The following ARHGAP24 variants were observed in gnomAD, a reference collection of about 807,000 sequenced individuals.
ARHGAP24 encodes the protein Rho GTPase activating protein 24.
In ARHGAP24, 50 loss-of-function variants were observed where a neutral mutation model predicts 76.4. The ratio of observed to expected loss-of-function variants is 0.65; its 90% confidence interval spans 0.52 to 0.83. The LOEUF (loss-of-function observed/expected upper bound fraction) is 0.83. ARHGAP24 is among the 40% of genes least tolerant of loss of function. The probability of loss-of-function intolerance (pLI) is 0.00; values close to 1 mark genes in which losing one functional copy is unlikely to be tolerated. For synonymous variants in ARHGAP24, 345 were observed against 323.3 expected, an observed-to-expected ratio of 1.07 and a Z score of -0.72; for missense variants, 930 against 914.2, an observed-to-expected ratio of 1.02 and a Z score of -0.22.
At chr4:85,994,018 T>C (rs1271650937) in intron 8 of ARHGAP24, among the ~76,000 whole-genome samples, 1 of 152,174 alleles carries the variant, frequency 6.6e-6, no homozygotes, top group Non-Finnish European at 1.5e-5. Context: ...AGTTTTTGAA[T>C]GGTGAACAAA....
intron 2 of ARHGAP24, among the ~76,000 whole-genome samples, chr4:85,703,042 T>C (rs962240316): frequency 6.7e-6 from 1 of 148,244 alleles, no homozygotes; most frequent in African/African-American, 2.5e-5. Context: ...AAGAGAAAAA[T>C]GAATATAAAA....
At chr4:85,538,577 A>G (rs1725562744) in intron 1 of ARHGAP24, among the ~76,000 whole-genome samples, 3 of 152,278 alleles carry the variant, frequency 2.0e-5, no homozygotes, top group Non-Finnish European at 4.4e-5. Flanking sequence ...CTCTACTGGT[A>G]TAATTGTGTC....
chr4:85,555,503 G>T (rs2110132013), intron 1 of ARHGAP24, among the ~76,000 whole-genome samples: 1 of 152,330 alleles, frequency 6.6e-6, no homozygotes, highest in African/African-American at 2.4e-5. Context: ...CTCTTGCTTA[G>T]TCACTTCACT....
At chr4:85,537,248 C>T (rs1418130979) in intron 1 of ARHGAP24, among the ~76,000 whole-genome samples, 2 of 152,066 alleles carry the variant, frequency 1.3e-5, no homozygotes, top group Admixed American at 6.5e-5. Flanking sequence ...GAGAGGTTTT[C>T]CATCTGGTTC....
chr4:85,728,438 ATTTATCTATTT>A (rs1434335709), intron 3 of ARHGAP24, among the ~76,000 whole-genome samples: 1 of 151,916 alleles, frequency 6.6e-6, no homozygotes, highest in Non-Finnish European at 1.5e-5. Context: ...GTTCCTATGC[ATTTATCTATTT>A]TATCTATGTA....
At position 85,923,734 on chromosome 4, in the gene ARHGAP24, T is replaced by A; in HGVS notation, c.355T>A (p.Ser119Thr). 4 of 1,613,930 alleles carry A rather than the reference T, an allele frequency of 2.5e-6. No homozygotes were observed. The South Asian group carries it at 4.4e-5, about 18-fold the overall frequency. Reference sequence around the variant, plus strand: ...GAATGATATGGAAGACTGGGTGAAGTCAATCCGCCGAGTCATATGGGGACC... The same window carrying A: ...GAATGATATGGAAGACTGGGTGAAGACAATCCGCCGAGTCATATGGGGACC... ...TQNDMEDWVK[S>T]IRRVIWGPFG... The change falls in exon 4 of 10, where the codon TCA (serine) becomes ACA (threonine). Residue 119 changes from serine to threonine, a missense_variant. Ser to Thr is a moderately conservative substitution (Grantham distance 58). Transcript: ENST00000395184.
At chr4:85,766,659 T>C (rs1054516589) in intron 3 of ARHGAP24, among the ~76,000 whole-genome samples, 9 of 152,138 alleles carry the variant, frequency 5.9e-5, no homozygotes, top group African/African-American at 1.9e-4. Context: ...AAAAAACAGA[T>C]GAAAAATCTG....
intron 3 of ARHGAP24, among the ~76,000 whole-genome samples, chr4:85,812,370 GT>G (rs1032662174): frequency 3.1e-4 from 47 of 152,090 alleles, no homozygotes; most frequent in African/African-American, 9.9e-4. Context: ...GTTTATGGGG[GT>G]TTTAATAACT....
At chr4:85,578,319 T>A (rs1305660378) in intron 2 of ARHGAP24, among the ~76,000 whole-genome samples, 1 of 152,160 alleles carries the variant, frequency 6.6e-6, no homozygotes, top group African/African-American at 2.4e-5. Context: ...CGCTTTTGAC[T>A]GTAGGAGGAA....
chr4:85,865,542 ATAAT>A (rs1410886047), intron 3 of ARHGAP24, among the ~76,000 whole-genome samples: 9 of 147,656 alleles, frequency 6.1e-5, no homozygotes, highest in East Asian at 5.8e-4. Flanking sequence ...TAAATCAAGA[ATAAT>A]TAATTATTAT....
At chr4:85,860,613 CCT>C (rs1161252510) in intron 3 of ARHGAP24, among the ~76,000 whole-genome samples, 5 of 151,910 alleles carry the variant, frequency 3.3e-5, no homozygotes, top group African/African-American at 4.8e-5. Context: ...AACTGAAATT[CCT>C]GAGGATGGGA....
At chr4:85,811,592 A>T (rs1385721298) in intron 3 of ARHGAP24, among the ~76,000 whole-genome samples, 1 of 152,222 alleles carries the variant, frequency 6.6e-6, no homozygotes, top group African/African-American at 2.4e-5. Context: ...TTAAATGTTT[A>T]TCATTTTATC....
chr4:85,940,186 A>T (rs1232365438), intron 4 of ARHGAP24, among the ~76,000 whole-genome samples: 1 of 152,150 alleles, frequency 6.6e-6, no homozygotes, highest in Non-Finnish European at 1.5e-5. Flanking sequence ...TGCTGAAGGA[A>T]CAGAAAACTG....
At chr4:85,554,307 CT>C (rs1327594307) in intron 1 of ARHGAP24, among the ~76,000 whole-genome samples, 3 of 152,122 alleles carry the variant, frequency 2.0e-5, no homozygotes, top group Admixed American at 6.5e-5. Context: ...TGTGTAATAT[CT>C]CATAGAAATT....
intron 8 of ARHGAP24, among the ~76,000 whole-genome samples, chr4:85,978,514 G>A (rs1283623543): frequency 1.3e-5 from 2 of 151,940 alleles, no homozygotes; most frequent in Admixed American, 6.6e-5. Context: ...AAACACCAAG[G>A]GCAATATAAG....
At chr4:85,813,817 T>TA (rs1729116368) in intron 3 of ARHGAP24, among the ~76,000 whole-genome samples, 7 of 95,080 alleles carry the variant, frequency 7.4e-5, no homozygotes, top group Non-Finnish European at 1.3e-4. Context: ...ATATATTTAT[T>TA]TTATATATAT....
chr4:85,930,673 TA>T (rs1249595773), intron 4 of ARHGAP24: 16 of 1,149,746 alleles, frequency 1.4e-5, no homozygotes, highest in South Asian at 3.2e-5. Context: ...TGCAGAAACT[TA>T]AAAAAAAGAA....
At chr4:85,952,712 C>T (rs577798069) in intron 5 of ARHGAP24, among the ~76,000 whole-genome samples, 2 of 152,178 alleles carry the variant, frequency 1.3e-5, no homozygotes, top group East Asian at 1.9e-4. Flanking sequence ...ATTGTTCCTA[C>T]GGTTATGACA....
intron 3 of ARHGAP24, among the ~76,000 whole-genome samples, chr4:85,783,868 G>C (rs147457982): frequency 1.2e-4 from 18 of 152,236 alleles, no homozygotes; most frequent in African/African-American, 4.3e-4. Context: ...TATGAAGATG[G>C]AACCGGGACT....
Sources: allele counts gnomAD v4.1 joint callset (sites outside exome capture counted in the v4.1 genomes callset), GRCh38; gene constraint gnomAD v4.1.1; transcripts MANE v1.5; gene names NCBI Gene and HGNC (gene_info 2026-07-23, HGNC 2026-07-21).